SLC25A26: variants seen among roughly 807,000 people sequenced by gnomAD.
The protein encoded by SLC25A26 is solute carrier family 25 member 26.
In SLC25A26, 36 loss-of-function variants were observed where a neutral mutation model predicts 37.8. That is an observed-to-expected ratio of 0.95 (90% CI 0.73 to 1.26). The LOEUF is 1.26. SLC25A26 is among the 50% of genes most tolerant of loss of function. SLC25A26 has a pLI of 0.00. For synonymous variants in SLC25A26, 129 were observed against 122.5 expected (o/e 1.05, Z -0.35); for missense variants, 390 against 331.1 (o/e 1.18, Z -1.38).
intron 1 of SLC25A26, among the ~76,000 whole-genome samples, chr3:66,209,461 A>G (rs1029817006): frequency 0.025 from 3,516 of 140,776 alleles, 203 homozygotes; most frequent in Admixed American, 0.13. Flanking sequence ...ATAAAGGTGT[A>G]TATATATATA....
intron 5 of SLC25A26, among the ~76,000 whole-genome samples, chr3:66,269,130 C>A (rs1559637261): frequency 6.6e-6 from 1 of 152,232 alleles, no homozygotes; most frequent in Admixed American, 6.5e-5. Context: ...GTGCTAGGAA[C>A]TTTGCATAGA....
chr3:66,372,018 G>A (rs191020683), intron 9 of SLC25A26, among the ~76,000 whole-genome samples: 5 of 152,270 alleles, frequency 3.3e-5, no homozygotes, highest in South Asian at 2.1e-4. Flanking sequence ...GCTTGAGCCC[G>A]GGAAGTCGAG....
At chr3:66,254,512 C>T (rs910036258) in intron 3 of SLC25A26, among the ~76,000 whole-genome samples, 2 of 152,218 alleles carry the variant, frequency 1.3e-5, no homozygotes, top group South Asian at 4.1e-4. Context: ...CTTTGAGTGG[C>T]TCTGTTCAGT....
chr3:66,373,980 C>G (rs919146142), intron 9 of SLC25A26, among the ~76,000 whole-genome samples: 1 of 150,830 alleles, frequency 6.6e-6, no homozygotes, highest in Non-Finnish European at 1.5e-5. Context: ...ATGTTTCTCT[C>G]CAGGCCACCA....
intron 1 of SLC25A26, among the ~76,000 whole-genome samples, chr3:66,214,909 C>T (rs1473413091): frequency 1.3e-5 from 2 of 152,094 alleles, no homozygotes; most frequent in Non-Finnish European, 2.9e-5. Flanking sequence ...GGGCGGATGG[C>T]TTGAGGCCTG....
intron 1 of SLC25A26, among the ~76,000 whole-genome samples, chr3:66,178,741 T>C (rs1415417721): frequency 6.6e-6 from 1 of 152,156 alleles, no homozygotes; most frequent in Non-Finnish European, 1.5e-5. Flanking sequence ...ATTAAAGAGA[T>C]GGAAATTGTT....
intron 6 of SLC25A26, among the ~76,000 whole-genome samples, chr3:66,362,178 C>T (rs1163690337): frequency 1.3e-5 from 2 of 152,134 alleles, no homozygotes; most frequent in East Asian, 3.9e-4. Flanking sequence ...CTAGTGATTT[C>T]ACCGCTAGGT....
intron 1 of SLC25A26, among the ~76,000 whole-genome samples, chr3:66,149,918 T>A (rs1340755628): frequency 6.6e-6 from 1 of 152,168 alleles, no homozygotes; most frequent in Non-Finnish European, 1.5e-5. Flanking sequence ...ACAGGTTAAG[T>A]AATTTATCCA....
intron 1 of SLC25A26, among the ~76,000 whole-genome samples, chr3:66,211,582 AGGG>A (rs1425784390): frequency 1.1e-4 from 16 of 152,128 alleles, no homozygotes; most frequent in African/African-American, 3.9e-4. Flanking sequence ...ATGGCATTGA[AGGG>A]GGAGGAGAGA....
chr3:66,204,972 G>A (rs2071158695), intron 1 of SLC25A26, among the ~76,000 whole-genome samples: 1 of 152,304 alleles, frequency 6.6e-6, no homozygotes, highest in East Asian at 1.9e-4. Flanking sequence ...AGATGGAAAC[G>A]TGAATCTCGG....
chr3:66,286,029 G>C (rs1391819500), intron 5 of SLC25A26, among the ~76,000 whole-genome samples: 2 of 152,130 alleles, frequency 1.3e-5, no homozygotes, highest in African/African-American at 2.4e-5. Flanking sequence ...TGAAGTATCT[G>C]TTCAGTCTTT....
At chr3:66,152,260 G>C (rs1251761068) in intron 1 of SLC25A26, among the ~76,000 whole-genome samples, 2 of 152,178 alleles carry the variant, frequency 1.3e-5, no homozygotes, top group Non-Finnish European at 2.9e-5. Context: ...GCTGGCCCAA[G>C]GGCTACACTT....
At chr3:66,216,911 AG>A (rs1295459412), upstream of SLC25A26, among the ~76,000 whole-genome samples, 7 of 152,232 alleles carry the variant, frequency 4.6e-5, no homozygotes, top group Admixed American at 3.9e-4. Context: ...AGCATGCACA[AG>A]TAGTAATGAG....
At chr3:66,314,489 T>G (rs1208551614) in intron 5 of SLC25A26, among the ~76,000 whole-genome samples, 1 of 152,144 alleles carries the variant, frequency 6.6e-6, no homozygotes, top group Non-Finnish European at 1.5e-5. Flanking sequence ...GTGGATAAGG[T>G]TTTTGATGTG....
At chr3:66,339,702 C>A (rs1477571357) in intron 5 of SLC25A26, among the ~76,000 whole-genome samples, 3 of 151,744 alleles carry the variant, frequency 2.0e-5, no homozygotes, top group East Asian at 1.9e-4. Flanking sequence ...TATTTAAATT[C>A]TTTGCTTTTT....
At chr3:66,362,095 G>A (rs1482380217) in intron 6 of SLC25A26, among the ~76,000 whole-genome samples, 1 of 152,186 alleles carries the variant, frequency 6.6e-6, no homozygotes, top group Non-Finnish European at 1.5e-5. Flanking sequence ...TCAAGGGAAT[G>A]TAAAATGGTA....
intron 1 of SLC25A26, among the ~76,000 whole-genome samples, chr3:66,154,993 G>T (rs747532516): frequency 1.3e-5 from 2 of 152,174 alleles, no homozygotes; most frequent in Non-Finnish European, 2.9e-5. Flanking sequence ...TATGGCTTAG[G>T]TGTCTTTGTT....
intron 5 of SLC25A26, among the ~76,000 whole-genome samples, chr3:66,288,937 C>T (rs1442013097): frequency 6.6e-6 from 1 of 152,090 alleles, no homozygotes; most frequent in Non-Finnish European, 1.5e-5. Context: ...ATTTACACTC[C>T]CACCAACAGT....
At chr3:66,161,154 GT>G (rs2070352864) in intron 1 of SLC25A26, among the ~76,000 whole-genome samples, 1 of 146,790 alleles carries the variant, frequency 6.8e-6, no homozygotes, top group Non-Finnish European at 1.5e-5. Flanking sequence ...TTTTTCGGTT[GT>G]TGTTGTAAAA....
Sources: gnomAD v4.1 joint callset for allele counts (sites outside exome capture counted in the v4.1 genomes callset) on GRCh38, gnomAD v4.1.1 for gene constraint, MANE v1.5 for transcripts, NCBI Gene and HGNC (gene_info 2026-07-23, HGNC 2026-07-21) for gene names.